Variants in TENM2 observed in about 807,000 individuals in gnomAD.
TENM2 encodes teneurin transmembrane protein 2.
In TENM2, 52 loss-of-function variants were observed where a neutral mutation model predicts 245.2. The observed-to-expected ratio is 0.21, with a 90% CI of 0.17 to 0.27. The LOEUF (loss-of-function observed/expected upper bound fraction) is 0.27, where lower values mean the gene tolerates loss of function less well. Ranked by LOEUF, TENM2 falls within the 10% of genes least tolerant of loss-of-function variation. The pLI is 1.00. For synonymous variants in TENM2, 1,363 were observed against 1,438.9 expected (o/e 0.95, Z 1.19); for missense variants, 3,046 against 3,666.8 (o/e 0.83, Z 4.37).
chr5:167,773,486 C>T (rs1409062829), intron 2 of TENM2, among the ~76,000 whole-genome samples: 1 of 152,138 alleles, frequency 6.6e-6, no homozygotes, highest in Non-Finnish European at 1.5e-5. Context: ...ACATCAACTT[C>T]ATAGATATTT....
intron 25 of TENM2, among the ~76,000 whole-genome samples, chr5:168,236,183 C>T (rs189484124): frequency 2.6e-3 from 389 of 152,260 alleles, no homozygotes; most frequent in Admixed American, 4.0e-3. Context: ...TGCAAATGAG[C>T]CCTCATCGGG....
the TENM2 span, among the ~76,000 whole-genome samples, chr5:167,078,695 A>C: frequency 6.6e-6 from 1 of 152,210 alleles, no homozygotes; most frequent in Non-Finnish European, 1.5e-5. Flanking sequence ...AGGAAATGGC[A>C]AGCCTCTGGT....
intron 2 of TENM2, among the ~76,000 whole-genome samples, chr5:167,589,872 A>AT (rs1434278003): frequency 4.7e-5 from 7 of 148,764 alleles, no homozygotes; most frequent in Non-Finnish European, 1.0e-4. Flanking sequence ...TTATAAAACT[A>AT]TAATAATATA....
intron 2 of TENM2, among the ~76,000 whole-genome samples, chr5:167,780,317 C>T (rs1156999513): frequency 2.0e-5 from 3 of 152,194 alleles, no homozygotes; most frequent in African/African-American, 7.2e-5. Flanking sequence ...CTCTCACAGT[C>T]ATTTGCAGGC....
chr5:167,716,348 C>T (rs1279993680), intron 2 of TENM2, among the ~76,000 whole-genome samples: 1 of 152,220 alleles, frequency 6.6e-6, no homozygotes, highest in East Asian at 1.9e-4. Context: ...ACCCAGTTCT[C>T]GCTGTTGCAT....
At chr5:167,365,570 C>T (rs73367481) in intron 1 of TENM2, among the ~76,000 whole-genome samples, 4,010 of 151,604 alleles carry the variant, frequency 0.026, 173 homozygotes, top group African/African-American at 0.091. Flanking sequence ...AGAAAGAATA[C>T]TGTTAGAGAT....
At chr5:167,406,797 A>G (rs1762659570) in intron 2 of TENM2, among the ~76,000 whole-genome samples, 1 of 151,856 alleles carries the variant, frequency 6.6e-6, no homozygotes, top group Non-Finnish European at 1.5e-5. Flanking sequence ...TTATTTCTGT[A>G]TGTTTGGAAA....
chr5:167,708,599 G>A (rs1758693887), intron 2 of TENM2, among the ~76,000 whole-genome samples: 1 of 152,124 alleles, frequency 6.6e-6, no homozygotes, highest in Non-Finnish European at 1.5e-5. Context: ...ACTGGCAGAA[G>A]GGATGGAGAG....
At chr5:167,260,391 T>TCA in the TENM2 span, among the ~76,000 whole-genome samples, 24 of 152,304 alleles carry the variant, frequency 1.6e-4, no homozygotes, top group African/African-American at 5.5e-4. Flanking sequence ...GCTGATCCCC[T>TCA]CAGCTATAAA....
the TENM2 span, among the ~76,000 whole-genome samples, chr5:167,205,304 C>T: frequency 5.3e-5 from 8 of 152,294 alleles, no homozygotes; most frequent in South Asian, 6.2e-4. Flanking sequence ...TCGCTTGGAC[C>T]TGGGAGGTGG....
intron 2 of TENM2, among the ~76,000 whole-genome samples, chr5:167,582,199 C>T (rs1318069081): frequency 6.6e-6 from 1 of 152,188 alleles, no homozygotes; most frequent in Non-Finnish European, 1.5e-5. Flanking sequence ...TTTCACTCTT[C>T]TCTGAGTTCT....
At chr5:168,161,147 C>T (rs7736194) in intron 12 of TENM2, among the ~76,000 whole-genome samples, 132,531 of 152,172 alleles carry the variant, frequency 0.87, 58,121 homozygotes, top group East Asian at 0.98. Flanking sequence ...GAGAGAAGAG[C>T]AGGGGAGATG....
intron 12 of TENM2, among the ~76,000 whole-genome samples, chr5:168,161,776 A>C (rs1757760803): frequency 6.6e-6 from 1 of 151,784 alleles, no homozygotes. Flanking sequence ...TTAGAAAATT[A>C]CACAGGCAGC....
chr5:167,916,168 C>T (rs185009795), intron 3 of TENM2, among the ~76,000 whole-genome samples: 4 of 152,312 alleles, frequency 2.6e-5, no homozygotes, highest in Middle Eastern at 3.4e-3. Context: ...TCTGAGGCTT[C>T]GCCAGCAGTC....
Position 167,426,890 on chromosome 5 carries a change from A to G in TENM2, c.502+51417A>G, listed in dbSNP as rs1763858125. Among the ~76,000 whole-genome samples, 5 of 152,154 alleles carry G rather than the reference A, an allele frequency of 3.3e-5. 1 individual carries two copies. Among genetic ancestry groups the G allele is most frequent in the Admixed American group, 6.5e-5 (1 of 15,272 alleles). On this transcript the variant is annotated intron_variant, in intron 2 of 28. Transcript: ENST00000518659. ...GATCATCTCAAACATTATTTTCACT[A>G]CAAAAACCTCCATGAGTCACATAAA...
chr5:167,794,742 T>C (rs1221566186), intron 2 of TENM2, among the ~76,000 whole-genome samples: 3 of 152,184 alleles, frequency 2.0e-5, no homozygotes, highest in African/African-American at 7.2e-5. Context: ...AGATAATTGG[T>C]GCAGGGAAGG....
intron 8 of TENM2, among the ~76,000 whole-genome samples, chr5:168,094,573 G>T (rs966442128): frequency 6.6e-6 from 1 of 151,882 alleles, no homozygotes; most frequent in Non-Finnish European, 1.5e-5. Flanking sequence ...CTACAGCAGG[G>T]GTCCTCAACC....
intron 23 of TENM2, among the ~76,000 whole-genome samples, chr5:168,221,095 G>C (rs1763627344): frequency 6.6e-6 from 1 of 150,616 alleles, no homozygotes; most frequent in Non-Finnish European, 1.5e-5. Context: ...CTGGGCGACA[G>C]AGCAACACTC....
chr5:167,687,809 T>C (rs1757174696), intron 2 of TENM2, among the ~76,000 whole-genome samples: 1 of 152,180 alleles, frequency 6.6e-6, no homozygotes, highest in Admixed American at 6.6e-5. Context: ...CATTTTTGTA[T>C]GTGTGAGAAA....
Sources: gnomAD v4.1 joint callset for allele counts (sites outside exome capture counted in the v4.1 genomes callset) on GRCh38, gnomAD v4.1.1 for gene constraint, MANE v1.5 for transcripts, NCBI Gene and HGNC (gene_info 2026-07-23, HGNC 2026-07-21) for gene names.